PHEX: variants seen among roughly 807,000 people sequenced by gnomAD.
PHEX encodes the protein phosphate regulating endopeptidase X-linked.
Under a neutral mutation model 68.0 loss-of-function variants are expected in PHEX, and 16 were observed. That is an observed-to-expected ratio of 0.24 (90% CI 0.16 to 0.36). PHEX has a LOEUF of 0.36. PHEX is among the 10% of genes least tolerant of loss of function. PHEX has a pLI of 1.00. For synonymous variants in PHEX, 208 were observed against 205.1 expected (o/e 1.01, Z -0.12); for missense variants, 480 against 575.5 (o/e 0.83, Z 1.70).
intron 12 of PHEX, among the ~76,000 whole-genome samples, chrX:22,149,089 C>T (rs761107329): frequency 2.5e-4 from 28 of 111,892 alleles, no homozygotes; most frequent in African/African-American, 8.8e-4. Flanking sequence ...ATTATAGACA[C>T]CCCCTCCACT....
intron 12 of PHEX, among the ~76,000 whole-genome samples, chrX:22,152,594 G>T (rs1204024454): frequency 9.0e-6 from 1 of 111,713 alleles, no homozygotes; most frequent in Non-Finnish European, 1.9e-5. Flanking sequence ...ACAACAACAT[G>T]GACAAATTTC....
intron 10 of PHEX, 58 bp downstream of exon 10, chrX:22,111,618 T>C: frequency 1.2e-6 from 1 of 852,903 alleles, no homozygotes; most frequent in South Asian, 2.0e-5. Flanking sequence ...GCTGGAATAG[T>C]CCATATATTA....
chrX:22,041,265 C>CTCTCTCTCTCTATATATATATA (rs1468778300), intron 2 of PHEX, among the ~76,000 whole-genome samples: 1 of 72,819 alleles, frequency 1.4e-5, no homozygotes, highest in African/African-American at 6.3e-5. Flanking sequence ...CTCTCTCTCT[C>CTCTCTCTCTCTATATATATATA]TATATATATA....
intron 10 of PHEX, among the ~76,000 whole-genome samples, chrX:22,113,044 TG>T (rs1931059799): frequency 9.4e-6 from 1 of 106,440 alleles, no homozygotes; most frequent in Non-Finnish European, 1.9e-5. Flanking sequence ...TGTGTGTGTG[TG>T]TGTGTGTGTT....
chrX:22,193,215 A>T (rs1429970042), intron 15 of PHEX, among the ~76,000 whole-genome samples: 3 of 111,258 alleles, frequency 2.7e-5, no homozygotes, highest in African/African-American at 9.8e-5. Flanking sequence ...AGGACATTCT[A>T]TTGGGAAATA....
intron 1 of PHEX, among the ~76,000 whole-genome samples, chrX:22,035,188 ATC>A (rs1926953761): frequency 9.0e-6 from 1 of 111,504 alleles, no homozygotes; most frequent in South Asian, 3.8e-4. Context: ...CTCTGGGATA[ATC>A]TCTCCTCGCA....
chrX:22,247,517 G>A (rs895128872), intron 21 of PHEX, among the ~76,000 whole-genome samples: 3 of 112,036 alleles, frequency 2.7e-5, no homozygotes, highest in African/African-American at 6.5e-5. Context: ...CAAGTCCTAC[G>A]TTTAATATTT....
intron 14 of PHEX, 116 bp from the exon 15 acceptor site, chrX:22,190,328 C>T: frequency 1.7e-6 from 1 of 574,352 alleles, no homozygotes; most frequent in Non-Finnish European, 3.2e-6. Flanking sequence ...TCATGTCCAA[C>T]ATCCCCATTG....
At chrX:22,057,693 G>C (rs960153164) in intron 3 of PHEX, among the ~76,000 whole-genome samples, 1 of 111,562 alleles carries the variant, frequency 9.0e-6, no homozygotes, top group African/African-American at 3.3e-5. Context: ...TTGTGTACAT[G>C]CTTGCTGTTC....
intron 9 of PHEX, among the ~76,000 whole-genome samples, chrX:22,101,209 C>A (rs1485397061): frequency 2.7e-5 from 3 of 111,617 alleles, no homozygotes; most frequent in African/African-American, 9.8e-5. Context: ...AGCCAAATCC[C>A]AAATCTCTTT....
chrX:22,049,696 C>T (rs972543064), intron 3 of PHEX, among the ~76,000 whole-genome samples: 2 of 109,040 alleles, frequency 1.8e-5, no homozygotes, highest in African/African-American at 3.3e-5. Flanking sequence ...AGCGAAACCC[C>T]GGCTCTACTA....
chrX:22,249,418 T>C lies in PHEX; in HGVS notation c.*1465T>C, dbSNP rs1208374051. ...AGATTAACCACAGGAAGCCATTGTG[T>C]GTCCCTGTGATTTGTGATTCTTTTA... On this transcript the variant is annotated 3_prime_UTR_variant, in exon 22 of 22. Transcript: ENST00000379374. 5 of 87,434 alleles carry C rather than the reference T, an allele frequency of 5.7e-5. No homozygotes were observed. Among genetic ancestry groups the C allele is most frequent in the Non-Finnish European group, 1.1e-4 (5 of 46,434 alleles). 7.2% of individuals were successfully genotyped at this position (87,434 alleles called of 1,213,427 possible).
intron 11 of PHEX, among the ~76,000 whole-genome samples, chrX:22,118,339 C>CA (rs1157170753): frequency 0.1 from 2,194 of 21,101 alleles, 530 homozygotes; most frequent in African/African-American, 0.33. Flanking sequence ...TAAACAGCAC[C>CA]AAAAAAAAAA....
intron 3 of PHEX, among the ~76,000 whole-genome samples, chrX:22,063,495 G>A (rs1332051704): frequency 8.9e-6 from 1 of 112,275 alleles, no homozygotes; most frequent in Admixed American, 9.5e-5. Context: ...CTGCCAGAAT[G>A]AGACAAGTCT....
At chrX:22,091,833 C>A (rs919063903) in intron 6 of PHEX, among the ~76,000 whole-genome samples, 1 of 111,934 alleles carries the variant, frequency 8.9e-6, no homozygotes, top group Non-Finnish European at 1.9e-5. Flanking sequence ...GCCTCACAAT[C>A]GTGGCAGAAG....
chrX:22,233,644 T>G (rs1038256612), intron 20 of PHEX, among the ~76,000 whole-genome samples: 3 of 111,171 alleles, frequency 2.7e-5, no homozygotes, highest in African/African-American at 9.8e-5. Context: ...TCTCATGCTG[T>G]GTTTTTTAGC....
At chrX:22,154,367 G>T (rs547244863) in intron 12 of PHEX, among the ~76,000 whole-genome samples, 2 of 110,858 alleles carry the variant, frequency 1.8e-5, no homozygotes, top group African/African-American at 6.6e-5. Flanking sequence ...AGAAGCCTTG[G>T]TACCATGGCA....
intron 2 of PHEX, among the ~76,000 whole-genome samples, chrX:22,040,175 CA>C (rs1373385753): frequency 8.9e-6 from 1 of 111,769 alleles, no homozygotes; most frequent in African/African-American, 3.3e-5. Context: ...TTCCTTTTTC[CA>C]AAAGGAAAGT....
intron 10 of PHEX, among the ~76,000 whole-genome samples, chrX:22,112,414 T>C (rs532168692): frequency 8.9e-6 from 1 of 112,307 alleles, no homozygotes; most frequent in South Asian, 3.7e-4. Flanking sequence ...AAGGATTTTG[T>C]ATCTTTGAAA....
Sources: allele counts gnomAD v4.1 joint callset (sites outside exome capture counted in the v4.1 genomes callset), GRCh38; gene constraint gnomAD v4.1.1; transcripts MANE v1.5; gene names NCBI Gene and HGNC (gene_info 2026-07-23, HGNC 2026-07-21).